ERG: variants seen among roughly 807,000 people sequenced by gnomAD.
The protein encoded by ERG is ETS transcription factor ERG, also known as transcriptional regulator ERG.
Under a neutral mutation model 55.3 loss-of-function variants are expected in ERG, and 9 were observed. The observed-to-expected ratio is 0.16, with a 90% CI of 0.10 to 0.28. The LOEUF (loss-of-function observed/expected upper bound fraction) is 0.28. ERG is among the 10% of genes least tolerant of loss of function. The pLI, the probability that ERG is intolerant of heterozygous loss-of-function variation, is 1.00. For synonymous variants in ERG, 223 were observed against 237.3 expected (o/e 0.94, Z 0.55); for missense variants, 434 against 631.6 (o/e 0.69, Z 3.35).
rs577783027 is a variant in ERG, at chr21:38,480,456, TATAACAGA to T, written c.18+17899_18+17906del. Among the ~76,000 whole-genome samples, 9 of 152,206 alleles carry T rather than the reference TATAACAGA, an allele frequency of 5.9e-5. No individual in the cohort carries two copies. The East Asian group carries it at 1.7e-3, about 29-fold the overall frequency. On this transcript the variant is annotated intron_variant, in intron 1 of 9. Coordinates refer to ENST00000288319, the MANE Select transcript of ERG (RefSeq NM_182918.4). Reference sequence around the variant, plus strand: ...ATTTTGGATTTCTGGACTCCCAAGCTATAACAGAATAAATTTCTCTTGCTTTAAGCCAC... The same window carrying T: ...ATTTTGGATTTCTGGACTCCCAAGCTATAAATTTCTCTTGCTTTAAGCCAC...
chr21:38,441,646 C>G (rs1016327667), intron 2 of ERG, among the ~76,000 whole-genome samples: 2 of 152,230 alleles, frequency 1.3e-5, no homozygotes, highest in African/African-American at 2.4e-5. Flanking sequence ...CTGTATCTTT[C>G]TCTTCTACAA....
chr21:38,380,765 T>C lies in ERG; in HGVS notation c.*2638A>G. On this transcript the variant is annotated 3_prime_UTR_variant, in exon 10 of 10. Coordinates refer to ENST00000288319, the MANE Select transcript of ERG (RefSeq NM_182918.4). ...AATAACCTGGACTGGGGGTGGAGGG[T>C]TGAGGGATCTAATGGAAAACATCTG... 1 of 1,064,622 alleles carries C rather than the reference T, an allele frequency of 9.4e-7. No homozygotes were observed. The highest frequency in any genetic ancestry group is 1.1e-6 in the Non-Finnish European group (1 of 879,116). 65.9% of individuals were successfully genotyped at this position (1,064,622 alleles called of 1,614,324 possible).
chr21:38,528,978 C>G (rs1056888356), intron 2 of ERG, among the ~76,000 whole-genome samples: 3 of 152,048 alleles, frequency 2.0e-5, no homozygotes, highest in Non-Finnish European at 4.4e-5. Flanking sequence ...ATGTCATTGT[C>G]AACCTTTTAA....
At position 38,531,262 on chromosome 21, in the gene ERG, C is replaced by T. The variant is rs115118078; in HGVS notation, c.-41+44400G>A. Among the ~76,000 whole-genome samples the T allele has an allele frequency of 3.5e-3, 539 of 152,300 alleles. 3 individuals are homozygous for T. The highest frequency in any genetic ancestry group is 0.012 in the African/African-American group (515 of 41,572). On this transcript the variant is annotated intron_variant, in intron 2 of 8. Coordinates refer to the ERG transcript ENST00000398897. The stretch of plus-strand genomic sequence containing the variant: ...CCTCCATTGGAATAATCAGAAACAG[C>T]TCACAAATAAAGTAATCTGTAAGAT...
At chr21:38,393,063 T>C (rs1988051098) in intron 6 of ERG, among the ~76,000 whole-genome samples, 1 of 152,216 alleles carries the variant, frequency 6.6e-6, no homozygotes, top group Non-Finnish European at 1.5e-5. Context: ...TCTAATGTTC[T>C]AAATAAATTT....
chr21:38,485,253 A>T (rs1601114625), intron 1 of ERG, among the ~76,000 whole-genome samples: 1 of 41,628 alleles, frequency 2.4e-5, no homozygotes, highest in Non-Finnish European at 3.9e-5. Context: ...TTAGAAAGTT[A>T]AAAAAAAAAT....
At chr21:38,602,987 A>C (rs2146913640) in intron 1 of ERG, among the ~76,000 whole-genome samples, 1 of 152,038 alleles carries the variant, frequency 6.6e-6, no homozygotes, top group African/African-American at 2.4e-5. Context: ...CAAGAACAAA[A>C]TCTGCCAGAA....
intron 3 of ERG, 33 bp downstream of exon 3, chr21:38,423,377 C>A (rs2146501965): frequency 6.3e-7 from 1 of 1,589,488 alleles, no homozygotes; most frequent in Non-Finnish European, 8.6e-7. Context: ...AAGTTGCGAT[C>A]TGCCGAGGGC....
intron 1 of ERG, among the ~76,000 whole-genome samples, chr21:38,653,016 C>T (rs140580976): frequency 9.8e-5 from 15 of 152,326 alleles, no homozygotes; most frequent in African/African-American, 3.6e-4. Flanking sequence ...TCGCATTCAC[C>T]GCCTAGATTC....
intron 6 of ERG, chr21:38,400,142 T>C (rs924924159): frequency 2.4e-5 from 9 of 382,708 alleles, no homozygotes; most frequent in Non-Finnish European, 4.5e-5. Context: ...AAGATTCAGA[T>C]GTAAATACTA....
At chr21:38,368,077 C>T in the ERG span, among the ~76,000 whole-genome samples, 1 of 152,114 alleles carries the variant, frequency 6.6e-6, no homozygotes, top group African/African-American at 2.4e-5. Context: ...TTGAAATGAA[C>T]ATGTATAACC....
At chr21:38,634,088 T>C (rs2060373771) in intron 1 of ERG, among the ~76,000 whole-genome samples, 4 of 152,234 alleles carry the variant, frequency 2.6e-5, no homozygotes, top group South Asian at 4.1e-4. Context: ...AAAATACATA[T>C]TGTAGGAAAT....
intron 2 of ERG, among the ~76,000 whole-genome samples, chr21:38,531,796 G>A (rs923318257): frequency 6.6e-6 from 1 of 152,146 alleles, no homozygotes; most frequent in Non-Finnish European, 1.5e-5. Flanking sequence ...GCGCTGCTGT[G>A]AGTGAGTGTG....
At chr21:38,547,317 C>T (rs912469927) in intron 2 of ERG, among the ~76,000 whole-genome samples, 30 of 152,152 alleles carry the variant, frequency 2.0e-4, no homozygotes, top group African/African-American at 7.0e-4. Flanking sequence ...GAAGAAGGTA[C>T]GAAGATGCAT....
chr21:38,401,180 T>G (rs1569067015), intron 5 of ERG, among the ~76,000 whole-genome samples: 1 of 152,222 alleles, frequency 6.6e-6, no homozygotes, highest in Non-Finnish European at 1.5e-5. Flanking sequence ...CTTTTCATAG[T>G]TCAGTCCATT....
In ERG at chr21:38,381,144, C is replaced by G; in HGVS notation, c.*2259G>C. On this transcript the variant is annotated 3_prime_UTR_variant, in exon 10 of 10. Transcript: ENST00000288319. ...CGTGTCCTGCCGACTTCAAAGCCCA[C>G]TGCCAAAACATCCACAGCACAGAGG... is the stretch of plus-strand genomic sequence containing the variant. The G allele has an allele frequency of 9.4e-7, 1 of 1,065,406 alleles. No individual in the cohort carries two copies. The highest frequency in any genetic ancestry group is 1.1e-6 in the Non-Finnish European group (1 of 879,308). The allele number at this position is 1,065,406 out of a possible 1,614,324, so 66.0% of individuals were successfully genotyped here.
At chr21:38,618,386 A>T (rs987727149) in intron 1 of ERG, among the ~76,000 whole-genome samples, 5 of 152,244 alleles carry the variant, frequency 3.3e-5, no homozygotes, top group Non-Finnish European at 7.3e-5. Context: ...TGACAAGGAT[A>T]AAGTGGCACA....
At chr21:38,405,084 A>G (rs1988701107) in intron 3 of ERG, among the ~76,000 whole-genome samples, 2 of 152,070 alleles carry the variant, frequency 1.3e-5, no homozygotes, top group Admixed American at 1.3e-4. Flanking sequence ...TACCTTTCCC[A>G]TTCCATTCTC....
At chr21:38,496,033 T>A (rs1481560982) in intron 1 of ERG, among the ~76,000 whole-genome samples, 1 of 152,166 alleles carries the variant, frequency 6.6e-6, no homozygotes, top group East Asian at 1.9e-4. Flanking sequence ...TAGAGATAAA[T>A]GAACACTCTC....
Sources: allele counts gnomAD v4.1 joint callset (sites outside exome capture counted in the v4.1 genomes callset), GRCh38; gene constraint gnomAD v4.1.1; transcripts MANE v1.5; gene names NCBI Gene and HGNC (gene_info 2026-07-23, HGNC 2026-07-21).